Variants in RB1 observed in about 807,000 individuals in gnomAD.
RB1 encodes RB transcriptional corepressor 1, also known as retinoblastoma-associated protein.
Under a neutral mutation model 135.4 loss-of-function variants are expected in RB1, and 18 were observed. That is an observed-to-expected ratio of 0.13 (90% CI 0.09 to 0.20). The LOEUF is 0.20. Among genes scored for constraint, RB1 ranks in the 10% least tolerant of loss-of-function variants. The pLI is 1.00. For synonymous variants in RB1, 365 were observed against 373.2 expected (o/e 0.98, Z 0.25); for missense variants, 868 against 1,110.0 (o/e 0.78, Z 3.10).
At chr13:48,347,766 C>G (rs1952510909) in intron 4 of RB1, 59 bp from the exon 5 acceptor site, 4 of 1,187,872 alleles carry the variant, frequency 3.4e-6, no homozygotes, top group Non-Finnish European at 5.0e-6. Flanking sequence ...CATGAGAAAA[C>G]TACTATGACT....
intron 2 of RB1, among the ~76,000 whole-genome samples, chr13:48,338,026 G>T (rs979985344): frequency 6.6e-6 from 1 of 152,228 alleles, no homozygotes; most frequent in Non-Finnish European, 1.5e-5. Context: ...CTTCTGGCTT[G>T]TAGAGTTTCT....
intron 17 of RB1, among the ~76,000 whole-genome samples, chr13:48,397,533 A>G (rs914729150): frequency 6.6e-6 from 1 of 152,152 alleles, no homozygotes; most frequent in African/African-American, 2.4e-5. Flanking sequence ...TAGGAAAAAT[A>G]CCTAATGTAG....
At chr13:48,447,259 AT>A (rs1276457310) in intron 17 of RB1, among the ~76,000 whole-genome samples, 1 of 152,042 alleles carries the variant, frequency 6.6e-6, no homozygotes, top group Non-Finnish European at 1.5e-5. Context: ...GTAGAGGATG[AT>A]TAAAGTTTAT....
At chr13:48,426,301 G>C (rs1157526228) in intron 17 of RB1, among the ~76,000 whole-genome samples, 1 of 152,168 alleles carries the variant, frequency 6.6e-6, no homozygotes, top group African/African-American at 2.4e-5. Context: ...GGAAATCATG[G>C]AACAATAAGA....
intron 17 of RB1, chr13:48,424,206 A>G (rs1949047930): frequency 6.6e-6 from 1 of 152,458 alleles, no homozygotes; most frequent in Non-Finnish European, 1.5e-5. Flanking sequence ...TTTATTTTCT[A>G]TAAAAATATC....
intron 6 of RB1, among the ~76,000 whole-genome samples, chr13:48,354,729 C>T (rs143192933): frequency 1.3e-5 from 2 of 151,842 alleles, no homozygotes; most frequent in South Asian, 2.1e-4. Flanking sequence ...GATACATAGA[C>T]CAGTGGAACA....
intron 17 of RB1, among the ~76,000 whole-genome samples, chr13:48,441,741 A>G (rs942806699): frequency 6.6e-6 from 1 of 152,204 alleles, no homozygotes; most frequent in East Asian, 1.9e-4. Context: ...ACAATTTGCT[A>G]TCATAGAATT....
At chr13:48,321,654 G>A (rs1281838460) in intron 2 of RB1, among the ~76,000 whole-genome samples, 1 of 152,010 alleles carries the variant, frequency 6.6e-6, no homozygotes, top group Non-Finnish European at 1.5e-5. Flanking sequence ...TCAGGAGTTC[G>A]AGACCAGCCT....
chr13:48,359,457 AT>A (rs1029059880), intron 6 of RB1, among the ~76,000 whole-genome samples: 2 of 148,796 alleles, frequency 1.3e-5, no homozygotes, highest in African/African-American at 2.4e-5. Flanking sequence ...ATTATTTTAA[AT>A]TTTTAGATAA....
chr13:48,353,860 G>A lies in RB1; in HGVS notation c.607+4837G>A, dbSNP rs142479987. On this transcript the variant is annotated intron_variant, in intron 6 of 26. Transcript: ENST00000267163. ...AAATCATATGATCATTTAAATTGAT[G>A]CTGAAAAAGCATTTGATAAAATTCA... 5.6e-3 allele frequency among the ~76,000 whole-genome samples: 846 copies of A among 152,194 alleles called. 5 individuals are homozygous for A. The highest frequency in any genetic ancestry group is 0.01 in the Middle Eastern group (3 of 294).
chr13:48,459,602 A>C, intron 19 of RB1, 86 bp from the exon 20 acceptor site: 1 of 1,386,560 alleles, frequency 7.2e-7, no homozygotes, highest in South Asian at 1.2e-5. Flanking sequence ...ACAGCATTAT[A>C]ATTAGAGCGA....
At chr13:48,398,880 G>A (rs1318278359) in intron 17 of RB1, among the ~76,000 whole-genome samples, 1 of 151,988 alleles carries the variant, frequency 6.6e-6, no homozygotes, top group Non-Finnish European at 1.5e-5. Flanking sequence ...GTTTTGCCTA[G>A]GAGCTAATAA....
chr13:48,440,261 G>A (rs1949224062), intron 17 of RB1, among the ~76,000 whole-genome samples: 1 of 152,092 alleles, frequency 6.6e-6, no homozygotes, highest in African/African-American at 2.4e-5. Flanking sequence ...GAAAACTAAA[G>A]TCAGATGTTC....
chr13:48,366,975 C>T (rs993471372), intron 9 of RB1, among the ~76,000 whole-genome samples: 3 of 151,728 alleles, frequency 2.0e-5, no homozygotes. Context: ...AAAAATTAGC[C>T]GGGCATGGTA....
At chr13:48,401,232 A>T (rs1000193168) in intron 17 of RB1, 1 of 152,180 alleles carries the variant, frequency 6.6e-6, no homozygotes, top group Non-Finnish European at 1.5e-5. Context: ...AGAGAATTTT[A>T]TAAAGAGTCA....
chr13:48,319,774 T>C lies in RB1; in HGVS notation c.264+12368T>C, dbSNP rs752010449. 2.8e-5 allele frequency: 8 copies of C among 287,240 alleles called. No individual in the cohort carries two copies. The highest frequency in any genetic ancestry group is 5.0e-5 in the Non-Finnish European group (7 of 141,112). 17.8% of individuals were successfully genotyped at this position (287,240 alleles called of 1,614,324 possible). On this transcript the variant is annotated intron_variant, in intron 2 of 26. Coordinates refer to ENST00000267163, the MANE Select transcript of RB1 (RefSeq NM_000321.3). This position sits in a 1 kb window ranked among gnomAD's most constrained non-coding sequence, Gnocchi z 5.0. ...CCCATCACATTTTTGGGTCGCATGC[T>C]ATCTCTTCTCATTCAGAAGCTGTTC... is the stretch of plus-strand genomic sequence containing the variant.
At chr13:48,304,977 A>G (rs1027357924) in intron 1 of RB1, among the ~76,000 whole-genome samples, 1 of 152,200 alleles carries the variant, frequency 6.6e-6, no homozygotes, top group African/African-American at 2.4e-5. Flanking sequence ...AAGCAAGTCC[A>G]TACGAATGCA....
At chr13:48,313,186 C>T (rs1054634434) in intron 2 of RB1, among the ~76,000 whole-genome samples, 4 of 151,806 alleles carry the variant, frequency 2.6e-5, no homozygotes, top group African/African-American at 9.7e-5. Context: ...TTTGGAATAC[C>T]CTTCTTTTTT....
At chr13:48,334,462 A>G (rs775609290) in intron 2 of RB1, among the ~76,000 whole-genome samples, 8 of 152,152 alleles carry the variant, frequency 5.3e-5, no homozygotes, top group African/African-American at 1.2e-4. Flanking sequence ...TAATACCTTC[A>G]TATTTCATTT....
Sources: allele counts gnomAD v4.1 joint callset (sites outside exome capture counted in the v4.1 genomes callset), GRCh38; gene constraint gnomAD v4.1.1; non-coding constraint Gnocchi (gnomAD v3.1); transcripts MANE v1.5; gene names NCBI Gene and HGNC (gene_info 2026-07-23, HGNC 2026-07-21).